The following CHST13 variants were observed in gnomAD, a reference collection of about 807,000 sequenced individuals.
CHST13 encodes C4ST-3.
In CHST13, 1 loss-of-function variant was observed where a neutral mutation model predicts 7.0. The observed-to-expected ratio is 0.14, with a 90% CI of 0.05 to 0.68. The LOEUF (loss-of-function observed/expected upper bound fraction) is 0.68. Ranked by LOEUF, CHST13 falls within the 30% of genes least tolerant of loss-of-function variation. The pLI is 0.82. For synonymous variants in CHST13, 257 were observed against 240.9 expected (o/e 1.07, Z -0.62); for missense variants, 572 against 507.9 (o/e 1.13, Z -1.21).
In CHST13 at chr3:126,542,426, C is replaced by T. The variant is rs1244200401; in HGVS notation, c.874C>T (p.Pro292Ser). The change falls in exon 3 of 3, where the codon CCG becomes TCG. Residue 292 changes from proline (P) to serine (S), a missense_variant. By Grantham distance (74) the Pro-to-Ser change is moderately conservative. Coordinates refer to ENST00000319340, the MANE Select transcript of CHST13 (RefSeq NM_152889.3). ...GASDLSFPGP[P>S]RPRGAAASRD... ...ATCCGACCTGAGCTTCCCTGGGCCG[C>T]CGCGGCCCCGGGGAGCCGCCGCCTC... 1 of 1,553,536 alleles carries T rather than the reference C, an allele frequency of 6.4e-7. No homozygotes were observed. The highest frequency in any genetic ancestry group is 1.9e-5 in the Admixed American group (1 of 51,706).
chr3:126,529,152 T>C (rs1206612257), intron 1 of CHST13: 1 of 488,430 alleles, frequency 2.0e-6, no homozygotes, highest in African/African-American at 2.2e-5. Flanking sequence ...GCGCGAGCCC[T>C]GCTTTGGCTG....
At chr3:126,539,407 T>C (rs1243351278) in intron 2 of CHST13, among the ~76,000 whole-genome samples, 1 of 151,926 alleles carries the variant, frequency 6.6e-6, no homozygotes, top group Non-Finnish European at 1.5e-5. Context: ...ATCAGGAGCA[T>C]AGTGTGCACA....
intron 1 of CHST13, chr3:126,529,376 C>A (rs1030949280): frequency 7.8e-7 from 1 of 1,289,132 alleles, no homozygotes; most frequent in Non-Finnish European, 1.0e-6. Flanking sequence ...CACTTGCCTA[C>A]GGATGCCGCA....
At position 126,541,995 on chromosome 3, in the gene CHST13, G is replaced by A. The variant is rs769888325; in HGVS notation, c.443G>A (p.Arg148His). 18 of 1,560,864 alleles carry A rather than the reference G, an allele frequency of 1.2e-5. No individual in the cohort carries two copies. The highest frequency in any genetic ancestry group is 1.9e-5 in the Admixed American group (1 of 53,368). ...ISAQEAHAPG[R>H]LPSLADFSPA... ...GCGCAAGAGGCGCACGCGCCTGGCC[G>A]CCTGCCCTCACTGGCCGACTTCAGC... Residue 148 changes from arginine to histidine, a missense_variant, in exon 3 of 3, where the codon CGC becomes CAC. By Grantham distance (29) the Arg-to-His change is conservative. Transcript: ENST00000319340.
At chr3:126,538,664 G>A (rs1936854664) in intron 2 of CHST13, among the ~76,000 whole-genome samples, 1 of 152,176 alleles carries the variant, frequency 6.6e-6, no homozygotes, top group Non-Finnish European at 1.5e-5. Context: ...TTGGCTGTGG[G>A]CCCCGGGGGC....
At chr3:126,530,476 C>T (rs988343041) in intron 1 of CHST13, among the ~76,000 whole-genome samples, 2 of 152,208 alleles carry the variant, frequency 1.3e-5, no homozygotes, top group Non-Finnish European at 2.9e-5. Flanking sequence ...CCACCCCCTG[C>T]CCACAGAACA....
At chr3:126,534,143 G>A (rs1936713969) in intron 1 of CHST13, among the ~76,000 whole-genome samples, 1 of 152,044 alleles carries the variant, frequency 6.6e-6, no homozygotes, top group Admixed American at 6.5e-5. Context: ...AGTCTTGCCA[G>A]TTTTTGAGAT....
At position 126,541,966 on chromosome 3, in the gene CHST13, C is replaced by G. The variant is rs1391697178; in HGVS notation, c.414C>G (p.Ile138Met). The change falls in exon 3 of 3, where the codon ATC (isoleucine) becomes ATG (methionine). Residue 138 changes from isoleucine to methionine, a missense_variant. Transcript: ENST00000319340. ...AAGCCCGCGGCGACCCGCGCGCCAT[C>G]TCCGCGCAAGAGGCGCACGCGCCTG... Reference protein sequence around the residue: ...SGQARGDPRAISAQEAHAPGR... With the variant: ...SGQARGDPRAMSAQEAHAPGR... 1 of 1,584,532 alleles carries G rather than the reference C, an allele frequency of 6.3e-7. No homozygotes were observed. Among genetic ancestry groups the G allele is most frequent in the Non-Finnish European group, 8.6e-7 (1 of 1,167,472 alleles).
Position 126,542,188 on chromosome 3 carries a change from G to A in CHST13, c.636G>A (p.Ala212=). Reference sequence around the variant, plus strand: ...TCGTTCAGCGCCTGCGGCCGCGCGCGCTCCCCGACGCCCGGGCCCGCGGCC... The same window carrying A: ...TCGTTCAGCGCCTGCGGCCGCGCGCACTCCCCGACGCCCGGGCCCGCGGCC... ...ARIVQRLRPR[A]LPDARARGHD... is the part of the protein sequence containing the mutation. Residue 212 remains alanine, a synonymous_variant, in exon 3 of 3, where the codon GCG becomes GCA. Coordinates refer to ENST00000319340, the MANE Select transcript of CHST13 (RefSeq NM_152889.3). 5 of 1,438,426 alleles carry A rather than the reference G, an allele frequency of 3.5e-6. No individual in the cohort carries two copies. Among genetic ancestry groups the A allele is most frequent in the South Asian group, 1.4e-5 (1 of 72,586 alleles). The allele number at this position is 1,438,426 out of a possible 1,614,324, so 89.1% of individuals were successfully genotyped here.
At chr3:126,529,167 G>A (rs1936597175) in intron 1 of CHST13, 2 of 547,852 alleles carry the variant, frequency 3.7e-6, no homozygotes, top group Non-Finnish European at 6.3e-6. Context: ...TGGCTGAGGT[G>A]GGTGTGCAGA....
intron 2 of CHST13, 34 bp downstream of exon 2, chr3:126,536,387 C>A (rs762236814): frequency 6.5e-7 from 1 of 1,541,862 alleles, no homozygotes; most frequent in East Asian, 2.3e-5. Context: ...AGGCATGCCC[C>A]CCTCCATCCC....
chr3:126,541,933 G>A lies in CHST13; in HGVS notation c.381G>A (p.Leu127=). The change falls in exon 3 of 3, where the codon CTG becomes CTA. Residue 127 remains leucine (L), a synonymous_variant. Transcript: ENST00000319340. The part of the protein sequence containing the change: ...CTNWKRVLLA[L]SGQARGDPRA... ...ACTGGAAGCGCGTGCTGCTGGCGCT[G>A]AGCGGCCAAGCCCGCGGCGACCCGC... 2 of 1,593,290 alleles carry A rather than the reference G, an allele frequency of 1.3e-6. No homozygotes were observed. Among genetic ancestry groups the A allele is most frequent in the South Asian group, 2.3e-5 (2 of 88,398 alleles).
intron 1 of CHST13, among the ~76,000 whole-genome samples, chr3:126,526,555 C>A (rs571499902): frequency 7.2e-5 from 11 of 152,332 alleles, no homozygotes; most frequent in African/African-American, 2.6e-4. Flanking sequence ...GCCAGAGGTG[C>A]TGCCGTAAGT....
At chr3:126,529,341 C>T (rs1199970701) in intron 1 of CHST13, 6 of 1,289,248 alleles carry the variant, frequency 4.7e-6, no homozygotes, top group Admixed American at 4.6e-5. Flanking sequence ...GCTGGTATTT[C>T]CTCATGGGTC....
chr3:126,524,966 A>G (rs961919491), intron 1 of CHST13, among the ~76,000 whole-genome samples: 8 of 152,274 alleles, frequency 5.3e-5, no homozygotes, highest in African/African-American at 1.7e-4. Flanking sequence ...AAACTGAGGC[A>G]GTTAGTCATG....
intron 1 of CHST13, chr3:126,527,171 C>A (rs867787816): frequency 6.6e-6 from 1 of 152,386 alleles, no homozygotes; most frequent in South Asian, 2.1e-4. Context: ...CCTCTTGGAG[C>A]CAGGTGGGCC....
intron 2 of CHST13, among the ~76,000 whole-genome samples, chr3:126,538,063 G>C (rs1384647410): frequency 1.3e-5 from 2 of 152,232 alleles, no homozygotes; most frequent in African/African-American, 4.8e-5. Flanking sequence ...AAAGAGAGCT[G>C]TGTGACCTCA....
Position 126,542,192 on chromosome 3 carries a change from C to A in CHST13, c.640C>A (p.Pro214Thr). Residue 214 changes from proline (P) to threonine (T), a missense_variant, in exon 3 of 3, where the codon CCC becomes ACC. By Grantham distance (38) the Pro-to-Thr change is conservative. Transcript: ENST00000319340. ...TCAGCGCCTGCGGCCGCGCGCGCTC[C>A]CCGACGCCCGGGCCCGCGGCCACGA... ...IVQRLRPRAL[P>T]DARARGHDVR... 1 of 1,442,460 alleles carries A rather than the reference C, an allele frequency of 6.9e-7. No homozygotes were observed. The highest frequency in any genetic ancestry group is 9.0e-7 in the Non-Finnish European group (1 of 1,105,196). 89.4% of individuals were successfully genotyped at this position (1,442,460 alleles called of 1,614,324 possible). A position where few individuals can be genotyped will look rare whatever the true frequency, so the allele number is the denominator to read the frequency against.
chr3:126,542,607 G>A lies in CHST13; in HGVS notation c.*29G>A. ...TCCTGGAGGTCCTGTGGCCACGCGG[G>A]GCAAGTGCCTTTCCGACAAGACCCC... On this transcript the variant is annotated 3_prime_UTR_variant, in exon 3 of 3. Coordinates refer to ENST00000319340, the MANE Select transcript of CHST13 (RefSeq NM_152889.3). The A allele has an allele frequency of 6.9e-7, 1 of 1,445,094 alleles. No individual in the cohort carries two copies. Among genetic ancestry groups the A allele is most frequent in the South Asian group, 1.5e-5 (1 of 66,104 alleles). 89.5% of individuals were successfully genotyped at this position (1,445,094 alleles called of 1,614,324 possible). A position where few individuals can be genotyped will look rare whatever the true frequency, so the allele number is the denominator to read the frequency against.
Sources: gnomAD v4.1 joint callset for allele counts (sites outside exome capture counted in the v4.1 genomes callset) on GRCh38, gnomAD v4.1.1 for gene constraint, MANE v1.5 for transcripts, NCBI Gene and HGNC (gene_info 2026-07-23, HGNC 2026-07-21) for gene names.